The following NAALADL2 variants were observed in gnomAD, a reference collection of about 807,000 sequenced individuals.
NAALADL2 encodes the protein N-acetylated alpha-linked acidic dipeptidase like 2.
NAALADL2 carries 76 observed loss-of-function variants against 87.2 expected under a neutral mutation model. The observed-to-expected ratio is 0.87, with a 90% CI of 0.72 to 1.05. The LOEUF is 1.05. NAALADL2 is among the 50% of genes least tolerant of loss of function. NAALADL2 has a pLI of 0.00. For synonymous variants in NAALADL2, 354 were observed against 331.0 expected (o/e 1.07, Z -0.75); for missense variants, 1,089 against 945.8 (o/e 1.15, Z -1.99).
At chr3:175,310,728 A>T (rs753733279) in intron 4 of NAALADL2, among the ~76,000 whole-genome samples, 24 of 151,844 alleles carry the variant, frequency 1.6e-4, no homozygotes, top group Middle Eastern at 3.4e-3. Flanking sequence ...GCATGTCACT[A>T]TGGTCATTTT....
At chr3:175,439,683 GGATT>G (rs554994217) in intron 5 of NAALADL2, among the ~76,000 whole-genome samples, 109 of 148,570 alleles carry the variant, frequency 7.3e-4, no homozygotes, top group Non-Finnish European at 1.5e-3. Context: ...CTTTTTGATG[GGATT>G]GTTTGTGTTT....
chr3:175,234,217 T>C lies in NAALADL2; in HGVS notation c.819+13T>C. The C allele has an allele frequency of 6.2e-7, 1 of 1,609,614 alleles. No individual in the cohort carries two copies. The highest frequency in any genetic ancestry group is 1.1e-5 in the South Asian group (1 of 90,642). On this transcript the variant is annotated intron_variant, in intron 3 of 13. Transcript: ENST00000454872. ...AGGAACTCTCAAGGTAATATGACCA[T>C]TTGTCTCTGTCATTTACAGTGAGAT... is the stretch of plus-strand genomic sequence containing the variant.
At chr3:175,013,238 TATATA>T (rs374317000) in intron 1 of NAALADL2, among the ~76,000 whole-genome samples, 2 of 103,484 alleles carry the variant, frequency 1.9e-5, no homozygotes, top group African/African-American at 8.4e-5. Context: ...TATAAACACA[TATATA>T]AAATATATAA....
chr3:175,515,195 C>T (rs993884234), intron 9 of NAALADL2, among the ~76,000 whole-genome samples: 1 of 152,120 alleles, frequency 6.6e-6, no homozygotes, highest in African/African-American at 2.4e-5. Context: ...AGTAATGTTG[C>T]AACAACTTGT....
chr3:175,186,400 A>G (rs1737340177), intron 2 of NAALADL2, among the ~76,000 whole-genome samples: 1 of 152,080 alleles, frequency 6.6e-6, no homozygotes. Flanking sequence ...ATCATATCTT[A>G]TATTTCCCAT....
chr3:174,682,303 C>T (rs1339020755), intron 2 of NAALADL2, among the ~76,000 whole-genome samples: 3 of 152,188 alleles, frequency 2.0e-5, no homozygotes, highest in Admixed American at 2.0e-4. Context: ...GACAGCATCT[C>T]TGCATTCATG....
chr3:175,538,442 G>C (rs1047267334), intron 9 of NAALADL2, among the ~76,000 whole-genome samples: 1 of 151,678 alleles, frequency 6.6e-6, no homozygotes, highest in African/African-American at 2.4e-5. Flanking sequence ...CCAATCCCAA[G>C]GGAAATTAAG....
At chr3:175,089,051 G>A (rs964162575) in intron 1 of NAALADL2, among the ~76,000 whole-genome samples, 6 of 152,132 alleles carry the variant, frequency 3.9e-5, no homozygotes, top group African/African-American at 1.4e-4. Flanking sequence ...ATGTTGTTAA[G>A]AAGAGACAAT....
chr3:175,743,342 G>A (rs1397254589), intron 12 of NAALADL2, among the ~76,000 whole-genome samples: 1 of 152,124 alleles, frequency 6.6e-6, no homozygotes, highest in Non-Finnish European at 1.5e-5. Context: ...AGAGGGCCAG[G>A]AGAAGGTCAG....
chr3:174,483,474 C>G (rs1717683772), intron 1 of NAALADL2, among the ~76,000 whole-genome samples: 1 of 152,024 alleles, frequency 6.6e-6, no homozygotes, highest in African/African-American at 2.4e-5. Context: ...TGTTCTCTCC[C>G]TTGACACATG....
chr3:175,230,608 C>T (rs936569869), intron 2 of NAALADL2, among the ~76,000 whole-genome samples: 1 of 152,020 alleles, frequency 6.6e-6, no homozygotes, highest in African/African-American at 2.4e-5. Flanking sequence ...GATACAGGAG[C>T]AGAGGGTGGT....
chr3:175,202,221 C>T (rs1452865734), intron 2 of NAALADL2, among the ~76,000 whole-genome samples: 1 of 152,100 alleles, frequency 6.6e-6, no homozygotes, highest in East Asian at 1.9e-4. Flanking sequence ...GTGAGGTTTG[C>T]AGCTGATCAG....
chr3:175,251,258 C>A (rs1252370673), intron 3 of NAALADL2, among the ~76,000 whole-genome samples: 2 of 152,062 alleles, frequency 1.3e-5, no homozygotes. Flanking sequence ...ATTTTATTTC[C>A]TTTTCAATTG....
intron 3 of NAALADL2, among the ~76,000 whole-genome samples, chr3:174,767,844 T>TG (rs1407387627): frequency 6.6e-6 from 1 of 152,216 alleles, no homozygotes; most frequent in Non-Finnish European, 1.5e-5. Flanking sequence ...GTTGAATGAA[T>TG]GAGCAAAGAA....
intron 1 of NAALADL2, among the ~76,000 whole-genome samples, chr3:174,528,447 T>C (rs1191527068): frequency 6.6e-6 from 1 of 152,102 alleles, no homozygotes; most frequent in Non-Finnish European, 1.5e-5. Flanking sequence ...CTGGCCAACA[T>C]GGTGAAACCT....
intron 1 of NAALADL2, among the ~76,000 whole-genome samples, chr3:174,939,318 G>T (rs950555656): frequency 6.6e-6 from 1 of 152,000 alleles, no homozygotes; most frequent in African/African-American, 2.4e-5. Flanking sequence ...GGTGGTCATA[G>T]GTATGTGGCC....
intron 5 of NAALADL2, among the ~76,000 whole-genome samples, chr3:175,417,419 A>G (rs1018116050): frequency 2.0e-5 from 3 of 152,076 alleles, no homozygotes; most frequent in Non-Finnish European, 4.4e-5. Flanking sequence ...TCATCATCAT[A>G]ATGCTGTCAA....
chr3:174,993,524 C>T (rs189261963), intron 1 of NAALADL2, among the ~76,000 whole-genome samples: 119 of 152,154 alleles, frequency 7.8e-4, no homozygotes, highest in African/African-American at 2.5e-3. Flanking sequence ...GAAACTAAGA[C>T]AGGGGAATTG....
intron 1 of NAALADL2, among the ~76,000 whole-genome samples, chr3:174,930,898 A>G (rs996706392): frequency 2.0e-5 from 3 of 152,032 alleles, no homozygotes; most frequent in African/African-American, 7.2e-5. Context: ...CTGGGATTAC[A>G]GGCATGAGCC....
Sources: allele counts gnomAD v4.1 joint callset (sites outside exome capture counted in the v4.1 genomes callset), GRCh38; gene constraint gnomAD v4.1.1; transcripts MANE v1.5; gene names NCBI Gene and HGNC (gene_info 2026-07-23, HGNC 2026-07-21).